Variants in GRM1 observed in about 807,000 individuals in gnomAD.
GRM1 encodes the protein glutamate metabotropic receptor 1.
Under a neutral mutation model 90.9 loss-of-function variants are expected in GRM1, and 33 were observed. The ratio of observed to expected loss-of-function variants is 0.36; its 90% CI spans 0.28 to 0.49. The LOEUF (loss-of-function observed/expected upper bound fraction) is 0.49. Among genes scored for constraint, GRM1 ranks in the 20% least tolerant of loss-of-function variants. GRM1 has a pLI of 0.99. For missense variants in GRM1, 1,190 were observed against 1,534.3 expected (o/e 0.78, Z 3.75); for synonymous variants, 700 against 613.2 (o/e 1.14, Z -2.09).
intron 1 of GRM1, among the ~76,000 whole-genome samples, chr6:146,132,788 C>T (rs560901884): frequency 2.4e-4 from 36 of 152,100 alleles, no homozygotes; most frequent in Non-Finnish European, 1.5e-5. Context: ...CTGGTCTGCA[C>T]TTCAGCACCC....
intron 2 of GRM1, among the ~76,000 whole-genome samples, chr6:146,261,404 G>A (rs59913231): frequency 0.061 from 9,257 of 152,098 alleles, 930 homozygotes; most frequent in African/African-American, 0.21. Flanking sequence ...GGAGCATAGA[G>A]TGAAGGGAAG....
intron 2 of GRM1, among the ~76,000 whole-genome samples, chr6:146,205,597 A>C (rs1343104238): frequency 6.6e-6 from 1 of 152,230 alleles, no homozygotes; most frequent in Non-Finnish European, 1.5e-5. Flanking sequence ...TTATCATAAC[A>C]ATGCAGCATA....
chr6:146,049,328 G>A (rs1458565534), intron 1 of GRM1, among the ~76,000 whole-genome samples: 4 of 151,962 alleles, frequency 2.6e-5, no homozygotes, highest in Non-Finnish European at 5.9e-5. Flanking sequence ...GAGCAAGGAA[G>A]AGCTGCCCTC....
intron 1 of GRM1, among the ~76,000 whole-genome samples, chr6:146,126,557 A>AT (rs991611688): frequency 2.0e-5 from 3 of 152,184 alleles, no homozygotes; most frequent in Non-Finnish European, 4.4e-5. Context: ...CAATTATTTC[A>AT]TTTTAAATCG....
intron 1 of GRM1, among the ~76,000 whole-genome samples, chr6:146,086,255 C>CT (rs1486765106): frequency 6.6e-6 from 1 of 152,156 alleles, no homozygotes; most frequent in Non-Finnish European, 1.5e-5. Flanking sequence ...TATACAAACT[C>CT]TGATTTGCTC....
chr6:146,359,072 T>C (rs1775351600), intron 5 of GRM1, among the ~76,000 whole-genome samples: 1 of 152,176 alleles, frequency 6.6e-6, no homozygotes, highest in South Asian at 2.1e-4. Flanking sequence ...GCTGGGGTCA[T>C]GTGGGGGATT....
At chr6:146,257,677 C>G (rs1193017069) in intron 2 of GRM1, among the ~76,000 whole-genome samples, 6 of 152,064 alleles carry the variant, frequency 3.9e-5, no homozygotes, top group Non-Finnish European at 8.8e-5. Context: ...GTTCTGAGAA[C>G]CAGATGAGGG....
intron 1 of GRM1, among the ~76,000 whole-genome samples, chr6:146,155,138 A>G (rs1269043603): frequency 6.6e-6 from 1 of 152,234 alleles, no homozygotes; most frequent in African/African-American, 2.4e-5. Flanking sequence ...TGGAGATTAC[A>G]TTCTAGGGGA....
intron 2 of GRM1, among the ~76,000 whole-genome samples, chr6:146,214,681 T>C (rs567886053): frequency 6.6e-6 from 1 of 152,306 alleles, no homozygotes; most frequent in South Asian, 2.1e-4. Flanking sequence ...AATAGAGTTA[T>C]GTCCAAAATG....
intron 1 of GRM1, among the ~76,000 whole-genome samples, chr6:146,045,722 C>T (rs57019376): frequency 0.02 from 2,360 of 120,774 alleles, 59 homozygotes; most frequent in African/African-American, 0.07. Flanking sequence ...TTTTCTTTTG[C>T]TTCTTTCTCA....
chr6:146,417,721 A>G (rs1777838652), intron 7 of GRM1, among the ~76,000 whole-genome samples: 1 of 152,204 alleles, frequency 6.6e-6, no homozygotes, highest in Admixed American at 6.5e-5. Context: ...TAAGTCCTTT[A>G]TAATTATCAT....
At chr6:146,204,379 A>T (rs1164050213) in intron 2 of GRM1, among the ~76,000 whole-genome samples, 1 of 152,220 alleles carries the variant, frequency 6.6e-6, no homozygotes, top group Admixed American at 6.5e-5. Flanking sequence ...AAGCACAGAA[A>T]AATCTATTTT....
intron 2 of GRM1, among the ~76,000 whole-genome samples, chr6:146,259,771 C>G (rs1276070230): frequency 6.6e-6 from 1 of 152,026 alleles, no homozygotes; most frequent in Non-Finnish European, 1.5e-5. Context: ...ATGGCATACA[C>G]TATCTCTTTG....
chr6:146,241,185 A>G (rs1780845748), intron 2 of GRM1, among the ~76,000 whole-genome samples: 1 of 152,156 alleles, frequency 6.6e-6, no homozygotes, highest in Non-Finnish European at 1.5e-5. Flanking sequence ...AATGAGGATC[A>G]TTCTTATGGA....
At chr6:146,346,408 T>G (rs1270068122) in intron 3 of GRM1, among the ~76,000 whole-genome samples, 1 of 152,232 alleles carries the variant, frequency 6.6e-6, no homozygotes, top group Non-Finnish European at 1.5e-5. Context: ...CTATCCTACA[T>G]AGCAGTTAAT....
intron 7 of GRM1, among the ~76,000 whole-genome samples, chr6:146,409,600 A>G (rs1562678460): frequency 6.6e-6 from 1 of 152,208 alleles, no homozygotes; most frequent in African/African-American, 2.4e-5. Context: ...CTTATAAAGA[A>G]AATAGATCAT....
At chr6:146,240,316 A>G (rs1483039576) in intron 2 of GRM1, among the ~76,000 whole-genome samples, 1 of 152,036 alleles carries the variant, frequency 6.6e-6, no homozygotes, top group Non-Finnish European at 1.5e-5. Flanking sequence ...AAAAGGGTAA[A>G]TTAAGAGTGT....
At chr6:146,150,938 G>GCGCACACACA (rs1554273698) in intron 1 of GRM1, among the ~76,000 whole-genome samples, 27 of 150,820 alleles carry the variant, frequency 1.8e-4, no homozygotes, top group African/African-American at 4.1e-4. Context: ...GCGTGTGCGC[G>GCGCACACACA]CACACACACA....
intron 3 of GRM1, among the ~76,000 whole-genome samples, chr6:146,331,712 A>C (rs1318064722): frequency 6.6e-6 from 1 of 152,116 alleles, no homozygotes; most frequent in Non-Finnish European, 1.5e-5. Context: ...CTTCTTCATA[A>C]GATTTGAAGG....
Sources: gnomAD v4.1 joint callset for allele counts (sites outside exome capture counted in the v4.1 genomes callset) on GRCh38, gnomAD v4.1.1 for gene constraint, MANE v1.5 for transcripts, NCBI Gene and HGNC (gene_info 2026-07-23, HGNC 2026-07-21) for gene names.